Variants in XKR9 observed in about 807,000 individuals in gnomAD.
The protein encoded by XKR9 is XK-related protein 9.
In XKR9, 32 loss-of-function variants were observed where a neutral mutation model predicts 32.0. That is an observed-to-expected ratio of 1.00 (90% confidence interval 0.76 to 1.34). The LOEUF (loss-of-function observed/expected upper bound fraction) is 1.34, where lower values mean the gene tolerates loss of function less well. Ranked by LOEUF, XKR9 falls within the 40% of genes most tolerant of loss-of-function variation. XKR9 has a pLI of 0.00. For synonymous variants in XKR9, 168 were observed against 143.4 expected (o/e 1.17, Z -1.22); for missense variants, 546 against 429.7 (o/e 1.27, Z -2.39).
At chr8:70,774,151 A>G (rs1807488807) in intron 2 of XKR9, among the ~76,000 whole-genome samples, 1 of 152,154 alleles carries the variant, frequency 6.6e-6, no homozygotes, top group Non-Finnish European at 1.5e-5. Context: ...TGTCTGTCAT[A>G]TACACTTAGG....
chr8:70,755,792 G>A (rs1807215027), intron 2 of XKR9, among the ~76,000 whole-genome samples: 1 of 151,326 alleles, frequency 6.6e-6, no homozygotes, highest in African/African-American at 2.4e-5. Flanking sequence ...GTTAGCATTA[G>A]GAGATATACC....
chr8:70,809,687 G>T, the XKR9 span, among the ~76,000 whole-genome samples: 1 of 152,074 alleles, frequency 6.6e-6, no homozygotes, highest in Non-Finnish European at 1.5e-5. Flanking sequence ...TGGAAGAAAG[G>T]GTATCAGTGA....
the XKR9 span, among the ~76,000 whole-genome samples, chr8:70,939,478 C>G: frequency 6.6e-6 from 1 of 152,084 alleles, no homozygotes; most frequent in Non-Finnish European, 1.5e-5. Context: ...ATTTCCCCAC[C>G]TAACCTGAAT....
the XKR9 span, among the ~76,000 whole-genome samples, chr8:70,801,679 C>T: frequency 6.6e-6 from 1 of 152,018 alleles, no homozygotes; most frequent in African/African-American, 2.4e-5. Context: ...CTGTTAGGCC[C>T]ATTTGGTCAT....
intron 4 of XKR9, among the ~76,000 whole-genome samples, chr8:70,725,483 A>G (rs890575477): frequency 2.3e-5 from 3 of 132,784 alleles, no homozygotes; most frequent in Non-Finnish European, 5.4e-5. Context: ...AATCTAGAAG[A>G]GTTGATAGTG....
chr8:70,983,893 A>T, the XKR9 span, among the ~76,000 whole-genome samples: 3 of 150,110 alleles, frequency 2.0e-5, no homozygotes, highest in Non-Finnish European at 4.4e-5. Flanking sequence ...AGTCGAAGCG[A>T]ATGTAATTTC....
chr8:70,753,668 A>G (rs1196629663), intron 2 of XKR9, among the ~76,000 whole-genome samples: 3 of 152,082 alleles, frequency 2.0e-5, no homozygotes, highest in African/African-American at 7.2e-5. Flanking sequence ...CAAAAACCAC[A>G]TGATTATCTC....
At chr8:70,836,206 AT>A in the XKR9 span, among the ~76,000 whole-genome samples, 2 of 152,040 alleles carry the variant, frequency 1.3e-5, no homozygotes, top group Non-Finnish European at 2.9e-5. Context: ...TATTTGTTTA[AT>A]TTTTTAGGTA....
chr8:70,905,568 C>T, the XKR9 span, among the ~76,000 whole-genome samples: 2 of 152,110 alleles, frequency 1.3e-5, no homozygotes, highest in Non-Finnish European at 2.9e-5. Context: ...GTTCAGACAT[C>T]CTCCTTTATT....
At chr8:70,707,628 A>G (rs922073242) in intron 4 of XKR9, among the ~76,000 whole-genome samples, 3 of 152,002 alleles carry the variant, frequency 2.0e-5, no homozygotes, top group African/African-American at 7.2e-5. Context: ...ATATTTAACC[A>G]TTGAAAAAAT....
chr8:70,705,365 C>T (rs1805684304), intron 3 of XKR9, among the ~76,000 whole-genome samples: 2 of 152,186 alleles, frequency 1.3e-5, no homozygotes, highest in East Asian at 1.9e-4. Context: ...GTGATAAGTA[C>T]TTCGAAGAAA....
chr8:71,062,689 C>CT, the XKR9 span, among the ~76,000 whole-genome samples: 3 of 151,432 alleles, frequency 2.0e-5, no homozygotes, highest in South Asian at 2.1e-4. Context: ...CAAATTGGGT[C>CT]TTTTTTCAGT....
intron 4 of XKR9, among the ~76,000 whole-genome samples, chr8:70,730,976 A>G (rs1055847024): frequency 6.6e-6 from 1 of 152,216 alleles, no homozygotes; most frequent in African/African-American, 2.4e-5. Context: ...TAAGCTCTTA[A>G]GGACACAACA....
chr8:70,992,983 T>C, the XKR9 span, among the ~76,000 whole-genome samples: 12 of 152,362 alleles, frequency 7.9e-5, no homozygotes, highest in Middle Eastern at 3.4e-3. Flanking sequence ...CCCTTTGTTC[T>C]GGCAGCCCTA....
chr8:70,992,795 G>A, the XKR9 span, among the ~76,000 whole-genome samples: 3 of 152,336 alleles, frequency 2.0e-5, no homozygotes, highest in East Asian at 5.8e-4. Flanking sequence ...AGGCTGAGGT[G>A]TACCCACAGC....
At chr8:70,969,981 A>C in the XKR9 span, among the ~76,000 whole-genome samples, 1 of 152,160 alleles carries the variant, frequency 6.6e-6, no homozygotes, top group African/African-American at 2.4e-5. Context: ...TTCACATATG[A>C]GTGAGAACAC....
intron 2 of XKR9, among the ~76,000 whole-genome samples, chr8:70,755,765 G>T (rs1391138408): frequency 2.7e-5 from 4 of 145,524 alleles, no homozygotes; most frequent in Non-Finnish European, 6.1e-5. Flanking sequence ...GTTGTGGGGT[G>T]GGGGGAGGGG....
At chr8:70,927,150 G>T in the XKR9 span, among the ~76,000 whole-genome samples, 7 of 151,954 alleles carry the variant, frequency 4.6e-5, no homozygotes, top group African/African-American at 1.7e-4. Flanking sequence ...GTAAGATCCT[G>T]AGCAGGGATT....
intron 4 of XKR9, among the ~76,000 whole-genome samples, chr8:70,717,702 A>G (rs1252304080): frequency 6.6e-6 from 1 of 152,150 alleles, no homozygotes; most frequent in East Asian, 1.9e-4. Flanking sequence ...AATGCCCTGG[A>G]GACATTTTTC....
Sources: gnomAD v4.1 joint callset for allele counts (sites outside exome capture counted in the v4.1 genomes callset) on GRCh38, gnomAD v4.1.1 for gene constraint, MANE v1.5 for transcripts, NCBI Gene and HGNC (gene_info 2026-07-23, HGNC 2026-07-21) for gene names.